DHRS7C: variants seen among roughly 807,000 people sequenced by gnomAD.
DHRS7C encodes the protein dehydrogenase/reductase 7C.
Under a neutral mutation model 29.6 loss-of-function variants are expected in DHRS7C, and 28 were observed. The observed-to-expected ratio is 0.95, with a 90% CI of 0.70 to 1.30. The LOEUF (loss-of-function observed/expected upper bound fraction) is 1.30, where lower values mean the gene tolerates loss of function less well. Among genes scored for constraint, DHRS7C ranks in the 50% most tolerant of loss-of-function variants. DHRS7C has a pLI of 0.00. For synonymous variants in DHRS7C, 158 were observed against 160.2 expected (o/e 0.99, Z 0.10); for missense variants, 403 against 393.3 (o/e 1.02, Z -0.21).
chr17:9,786,074 G>A (rs2066421466), intron 1 of DHRS7C, among the ~76,000 whole-genome samples: 1 of 151,954 alleles, frequency 6.6e-6, no homozygotes, highest in African/African-American at 2.4e-5. Flanking sequence ...TGTAATCCCA[G>A]CACTTTGGGA....
intron 1 of DHRS7C, 128 bp from the exon 2 acceptor site, chr17:9,781,722 G>T: frequency 1.2e-6 from 1 of 814,950 alleles, no homozygotes; most frequent in Non-Finnish European, 1.9e-6. Context: ...TCCTTTAGGG[G>T]TCACTTCATT....
chr17:9,784,731 G>GTAA (rs1188079149), intron 1 of DHRS7C, among the ~76,000 whole-genome samples: 2 of 152,166 alleles, frequency 1.3e-5, no homozygotes, highest in Non-Finnish European at 2.9e-5. Context: ...GTCAATACCA[G>GTAA]TAATACATAA....
intron 1 of DHRS7C, among the ~76,000 whole-genome samples, chr17:9,781,953 C>T (rs2066395740): frequency 1.3e-5 from 2 of 152,192 alleles, no homozygotes; most frequent in Non-Finnish European, 2.9e-5. Flanking sequence ...GGAGACAAAC[C>T]ACCATGTTTT....
chr17:9,774,795 C>G lies in DHRS7C; in HGVS notation c.572-1873G>C, dbSNP rs1264548944. On this transcript the variant is annotated intron_variant, in intron 4 of 5. Transcript: ENST00000571134. This position sits in a 1 kb window ranked among gnomAD's most constrained non-coding sequence, Gnocchi z 5.0. ...CAAAAGAAACCTCTGAGTCGGCAGA[C>G]CCCAGGTCACTCCCACGCCAGCTCC... 6.6e-6 allele frequency among the ~76,000 whole-genome samples: 1 copy of G among 152,150 alleles called. No individual in the cohort carries two copies. Among genetic ancestry groups the G allele is most frequent in the Non-Finnish European group, 1.5e-5 (1 of 68,030 alleles).
At chr17:9,773,269 G>T (rs1050364570) in intron 4 of DHRS7C, among the ~76,000 whole-genome samples, 7 of 151,940 alleles carry the variant, frequency 4.6e-5, no homozygotes, top group African/African-American at 1.7e-4. Context: ...CAGAATGCCG[G>T]CACAAACATG....
At chr17:9,782,355 T>A (rs2066397701) in intron 1 of DHRS7C, among the ~76,000 whole-genome samples, 1 of 152,164 alleles carries the variant, frequency 6.6e-6, no homozygotes, top group African/African-American at 2.4e-5. Context: ...TGGCCAGGAT[T>A]TACTGAGGGC....
At chr17:9,786,926 C>T (rs2066427199) in intron 1 of DHRS7C, among the ~76,000 whole-genome samples, 1 of 152,108 alleles carries the variant, frequency 6.6e-6, no homozygotes, top group Non-Finnish European at 1.5e-5. Flanking sequence ...TCCTCGCTCC[C>T]TCCCTCTCTT....
At chr17:9,790,096 C>T (rs1426271897) in intron 1 of DHRS7C, among the ~76,000 whole-genome samples, 4 of 152,128 alleles carry the variant, frequency 2.6e-5, no homozygotes, top group Non-Finnish European at 5.9e-5. Flanking sequence ...AGAGGCTAAG[C>T]AGCAGGCTCT....
In DHRS7C at chr17:9,781,566, C is replaced by T. The variant is rs369673796; in HGVS notation, c.183G>A (p.Gly61=). 1.9e-6 allele frequency: 3 copies of T among 1,613,792 alleles called. No homozygotes were observed. The highest frequency in any genetic ancestry group is 2.7e-5 in the African/African-American group (2 of 74,924). The part of the protein sequence containing the change: ...KECARVFHTG[G]ARLVLCGKNW... Reference sequence around the variant, plus strand: ...TCTTTCCACACAGCACCAGCCTTGCCCCACCTGTGTGGAACACCCGAGCAC... The same window carrying T: ...TCTTTCCACACAGCACCAGCCTTGCTCCACCTGTGTGGAACACCCGAGCAC... The change falls in exon 2 of 6, where the codon GGG becomes GGA. Residue 61 remains glycine, a synonymous_variant. Coordinates refer to ENST00000571134, the MANE Select transcript of DHRS7C (RefSeq NM_001105571.3).
chr17:9,789,160 A>G (rs78374008), intron 1 of DHRS7C, among the ~76,000 whole-genome samples: 15,782 of 152,242 alleles, frequency 0.1, 986 homozygotes, highest in Admixed American at 0.17. Context: ...GGAAGAACTG[A>G]GCAACCTCCC....
intron 1 of DHRS7C, 132 bp from the exon 2 acceptor site, chr17:9,781,726 C>T (rs907407543): frequency 6.7e-6 from 5 of 745,806 alleles, no homozygotes; most frequent in African/African-American, 5.3e-5. Context: ...TTAGGGGTCA[C>T]TTCATTGAAC....
intron 1 of DHRS7C, among the ~76,000 whole-genome samples, chr17:9,787,602 A>G (rs1215193777): frequency 6.6e-6 from 1 of 152,090 alleles, no homozygotes; most frequent in African/African-American, 2.4e-5. Context: ...TTTCTTTTTC[A>G]TTCAATAAGC....
rs199512145 is a variant in DHRS7C, at chr17:9,791,233, C to T, written c.52G>A (p.Gly18Ser). ...ACCTCTTGGTAAATGAAGAGGAGGC[C>T]GCTGATTCCCAGCAGCAGCAGGGGG... ...MLPLLLLGIS[G>S]LLFIYQEVSR... The change falls in exon 1 of 6, where the codon GGC becomes AGC. Residue 18 changes from glycine (G) to serine (S), a missense_variant. Gly to Ser is a moderately conservative substitution (Grantham distance 56). Transcript: ENST00000571134. 68 of 1,613,488 alleles carry T rather than the reference C, an allele frequency of 4.2e-5. No homozygotes were observed. The highest frequency in any genetic ancestry group is 1.9e-4 in the African/African-American group (14 of 74,920).
At chr17:9,773,032 C>T in intron 4 of DHRS7C, 110 bp from the exon 5 acceptor site, 2 of 1,322,240 alleles carry the variant, frequency 1.5e-6, no homozygotes, top group Non-Finnish European at 2.0e-6. Flanking sequence ...AGGCGCAGAG[C>T]TGGGAAGATC....
chr17:9,773,741 T>TTTTTTTC lies in DHRS7C; in HGVS notation c.572-820_572-819insGAAAAAA, dbSNP rs57969612. ...GGCCTTTTTTTTTTTTTTTTTTTTT[T>TTTTTTTC]TGAGACGGCGTCTCACTCTGTTGCC... On this transcript the variant is annotated intron_variant, in intron 4 of 5. Coordinates refer to ENST00000571134, the MANE Select transcript of DHRS7C (RefSeq NM_001105571.3). 2.2e-4 allele frequency among the ~76,000 whole-genome samples: 28 copies of TTTTTTTC among 129,322 alleles called. 1 individual carries two copies. The highest frequency in any genetic ancestry group is 7.6e-4 in the East Asian group (3 of 3,938). 84.8% of individuals were successfully genotyped at this position (129,322 alleles called of 152,430 possible).
intron 1 of DHRS7C, among the ~76,000 whole-genome samples, chr17:9,784,094 C>A (rs183122689): frequency 1.3e-5 from 2 of 151,618 alleles, no homozygotes; most frequent in Admixed American, 1.3e-4. Context: ...TGAATATATA[C>A]CCTTGCATTG....
intron 1 of DHRS7C, among the ~76,000 whole-genome samples, chr17:9,788,077 T>C (rs1486696876): frequency 6.6e-6 from 1 of 152,152 alleles, no homozygotes; most frequent in Non-Finnish European, 1.5e-5. Flanking sequence ...ATTTCAGAAA[T>C]GTTTAAAGGA....
At chr17:9,776,696 A>G (rs73269376) in intron 4 of DHRS7C, among the ~76,000 whole-genome samples, 37,586 of 152,022 alleles carry the variant, frequency 0.25, 4,663 homozygotes, top group East Asian at 0.34. Context: ...AAGGACGCTC[A>G]TATTTGGAGC....
chr17:9,782,591 A>T (rs868322788), intron 1 of DHRS7C, among the ~76,000 whole-genome samples: 1 of 152,310 alleles, frequency 6.6e-6, no homozygotes, highest in South Asian at 2.1e-4. Flanking sequence ...TGTAACTCCT[A>T]GGTAGGGCAG....
Sources: gnomAD v4.1 joint callset for allele counts (sites outside exome capture counted in the v4.1 genomes callset) on GRCh38, gnomAD v4.1.1 for gene constraint, Gnocchi (gnomAD v3.1) non-coding constraint, MANE v1.5 for transcripts, NCBI Gene and HGNC (gene_info 2026-07-23, HGNC 2026-07-21) for gene names.